PIK3C2G: variants seen among roughly 807,000 people sequenced by gnomAD.
PIK3C2G encodes the protein phosphatidylinositol-4-phosphate 3-kinase catalytic subunit type 2 gamma.
Under a neutral mutation model 181.1 loss-of-function variants are expected in PIK3C2G, and 168 were observed. The observed-to-expected ratio is 0.93, with a 90% CI of 0.82 to 1.05. The LOEUF is 1.05. Among genes scored for constraint, PIK3C2G ranks in the 50% least tolerant of loss-of-function variants. The probability of loss-of-function intolerance (pLI) is 0.00; values close to 1 mark genes in which losing one functional copy is unlikely to be tolerated. For synonymous variants in PIK3C2G, 573 were observed against 592.2 expected (o/e 0.97, Z 0.47); for missense variants, 1,869 against 1,732.8 (o/e 1.08, Z -1.40).
At chr12:18,341,859 G>T (rs1020652362) in intron 9 of PIK3C2G, among the ~76,000 whole-genome samples, 1 of 152,122 alleles carries the variant, frequency 6.6e-6, no homozygotes, top group Non-Finnish European at 1.5e-5. Context: ...TGGTCAACAT[G>T]CAAAGGACTA....
At position 18,284,346 on chromosome 12, in the gene PIK3C2G, T is replaced by G. The variant is rs149727822; in HGVS notation, c.678+1587T>G. 7.2e-5 allele frequency among the ~76,000 whole-genome samples: 11 copies of G among 152,058 alleles called. No homozygotes were observed. In the East Asian group the frequency reaches 2.1e-3, roughly 29 times the overall value. Reference sequence around the variant, plus strand: ...TACATCAACCAAAATAGATGTGGCCTAACAACAACAAAAATTCAGAATCAT... The same window carrying G: ...TACATCAACCAAAATAGATGTGGCCGAACAACAACAAAAATTCAGAATCAT... On this transcript the variant is annotated intron_variant, in intron 2 of 32. Transcript: ENST00000538779.
At chr12:18,261,450 C>CAGGAATA (rs970707562), upstream of PIK3C2G, 4 of 151,800 alleles carry the variant, frequency 2.6e-5, no homozygotes, top group Admixed American at 2.6e-4. Flanking sequence ...ACCTGCCAAA[C>CAGGAATA]AGGAATAAAA....
At chr12:18,273,839 A>G (rs1948854200) in intron 1 of PIK3C2G, among the ~76,000 whole-genome samples, 1 of 152,166 alleles carries the variant, frequency 6.6e-6, no homozygotes, top group African/African-American at 2.4e-5. Context: ...CTGCAGAGCA[A>G]AAGAAACTAC....
At chr12:18,599,091 A>G (rs1196904390) in intron 30 of PIK3C2G, among the ~76,000 whole-genome samples, 223 of 152,146 alleles carry the variant, frequency 1.5e-3, no homozygotes, top group African/African-American at 4.8e-3. Flanking sequence ...TCAGTGTGGC[A>G]ATTCCTCAGG....
chr12:18,650,700 G>GTATATATCTATA (rs1950438410), downstream of PIK3C2G, among the ~76,000 whole-genome samples: 1 of 43,840 alleles, frequency 2.3e-5, no homozygotes, highest in African/African-American at 9.2e-5. Context: ...GTGTGTGTGT[G>GTATATATCTATA]TGTGTATATA....
intron 21 of PIK3C2G, 55 bp downstream of exon 21, chr12:18,496,209 A>C: frequency 9.8e-7 from 1 of 1,020,514 alleles, no homozygotes; most frequent in Non-Finnish European, 1.4e-6. Context: ...CTATCGATTT[A>C]TTACTCACAA....
intron 19 of PIK3C2G, among the ~76,000 whole-genome samples, chr12:18,489,675 G>C (rs1940377594): frequency 6.6e-6 from 1 of 152,108 alleles, no homozygotes; most frequent in Non-Finnish European, 1.5e-5. Context: ...AAAGTTCTAT[G>C]ATTTTTTAAA....
the PIK3C2G span, among the ~76,000 whole-genome samples, chr12:18,725,432 G>A: frequency 6.6e-6 from 1 of 152,074 alleles, no homozygotes; most frequent in African/African-American, 2.4e-5. Context: ...AGCCACACAG[G>A]TAGACCAGGA....
At chr12:18,570,732 A>T (rs1357799115) in intron 29 of PIK3C2G, among the ~76,000 whole-genome samples, 1 of 150,342 alleles carries the variant, frequency 6.7e-6, no homozygotes, top group Non-Finnish European at 1.5e-5. Context: ...TATGCAATGC[A>T]AGCAGTGTGT....
At chr12:18,693,812 C>T in the PIK3C2G span, 165 of 1,521,836 alleles carry the variant, frequency 1.1e-4, no homozygotes, top group Admixed American at 8.5e-4. Flanking sequence ...CAGACCAGGC[C>T]GCATTGGCAG....
At chr12:18,623,537 G>A (rs1295965490) in intron 31 of PIK3C2G, among the ~76,000 whole-genome samples, 7 of 151,618 alleles carry the variant, frequency 4.6e-5, no homozygotes, top group Non-Finnish European at 1.0e-4. Flanking sequence ...GTGGTTCCAC[G>A]TGAATTTTAG....
intron 12 of PIK3C2G, among the ~76,000 whole-genome samples, chr12:18,367,209 A>T (rs928118885): frequency 1.3e-5 from 2 of 152,234 alleles, no homozygotes; most frequent in Non-Finnish European, 2.9e-5. Context: ...AGAACATTAA[A>T]GAAATTGCTG....
intron 26 of PIK3C2G, among the ~76,000 whole-genome samples, chr12:18,557,193 G>T (rs1159394889): frequency 1.3e-5 from 2 of 152,016 alleles, no homozygotes; most frequent in Non-Finnish European, 2.9e-5. Context: ...CTTATTAATG[G>T]TGGGGAAAAG....
At chr12:18,603,109 A>C (rs1448344829) in intron 30 of PIK3C2G, among the ~76,000 whole-genome samples, 2 of 152,234 alleles carry the variant, frequency 1.3e-5, no homozygotes, top group African/African-American at 2.4e-5. Flanking sequence ...AGGCCAATGC[A>C]AGAAAATCCA....
Position 18,302,971 on chromosome 12 carries a change from C to T in PIK3C2G, c.1034+8956C>T, listed in dbSNP as rs548448169. ...GGGTCCCAGACGTTAGGCTTGAGCA[C>T]GGGGTGGAGGGGCAGTGCAAACCAG... On this transcript the variant is annotated intron_variant, in intron 5 of 32. Transcript: ENST00000538779. Among the ~76,000 whole-genome samples, 118 of 152,046 alleles carry T rather than the reference C, an allele frequency of 7.8e-4. 1 individual carries two copies. In the South Asian group the frequency reaches 0.022, roughly 28 times the overall value.
At chr12:18,583,901 A>C (rs1946634947) in intron 29 of PIK3C2G, among the ~76,000 whole-genome samples, 1 of 152,218 alleles carries the variant, frequency 6.6e-6, no homozygotes, top group Non-Finnish European at 1.5e-5. Context: ...AGAATTAAGG[A>C]TATGGATAGG....
At chr12:18,598,967 A>G (rs1410305082) in intron 30 of PIK3C2G, among the ~76,000 whole-genome samples, 1 of 150,740 alleles carries the variant, frequency 6.6e-6, no homozygotes, top group East Asian at 2.0e-4. Context: ...CACACCAGTT[A>G]GAATGGCAAT....
At chr12:18,625,257 C>T (rs1160671686) in intron 31 of PIK3C2G, among the ~76,000 whole-genome samples, 4 of 151,376 alleles carry the variant, frequency 2.6e-5, no homozygotes, top group African/African-American at 9.7e-5. Context: ...TTTAATTTCC[C>T]TTTTAATTTC....
intron 29 of PIK3C2G, among the ~76,000 whole-genome samples, chr12:18,585,904 C>T (rs1344385927): frequency 6.6e-6 from 1 of 152,170 alleles, no homozygotes; most frequent in African/African-American, 2.4e-5. Flanking sequence ...TTGCTCAAAA[C>T]TATGCAATTA....
Sources: gnomAD v4.1 joint callset for allele counts (sites outside exome capture counted in the v4.1 genomes callset) on GRCh38, gnomAD v4.1.1 for gene constraint, MANE v1.5 for transcripts, NCBI Gene and HGNC (gene_info 2026-07-23, HGNC 2026-07-21) for gene names.